The following MAP2 variants were observed in gnomAD, a reference collection of about 807,000 sequenced individuals.
MAP2 encodes microtubule-associated protein 2.
Under a neutral mutation model 137.6 loss-of-function variants are expected in MAP2, and 14 were observed. The observed-to-expected ratio is 0.10, with a 90% CI of 0.07 to 0.16. The LOEUF is 0.16. Among genes scored for constraint, MAP2 ranks in the 10% least tolerant of loss-of-function variants. The probability of loss-of-function intolerance (pLI) is 1.00; values close to 1 mark genes in which losing one functional copy is unlikely to be tolerated. For synonymous variants in MAP2, 786 were observed against 782.3 expected, an observed-to-expected ratio of 1.00 and a Z score of -0.08; for missense variants, 2,088 against 2,191.5, an observed-to-expected ratio of 0.95 and a Z score of 0.94.
chr2:209,610,049 A>G (rs2086269161), intron 3 of MAP2, among the ~76,000 whole-genome samples: 1 of 152,216 alleles, frequency 6.6e-6, no homozygotes, highest in African/African-American at 2.4e-5. Context: ...TTAAATAATC[A>G]TATAAATAAA....
At chr2:209,514,668 T>A (rs1438958834) in intron 2 of MAP2, among the ~76,000 whole-genome samples, 2 of 152,126 alleles carry the variant, frequency 1.3e-5, no homozygotes, top group Admixed American at 6.6e-5. Context: ...TTAATGAATT[T>A]CTTTATTATG....
chr2:209,702,258 C>G (rs2061975308), intron 11 of MAP2, among the ~76,000 whole-genome samples: 1 of 152,018 alleles, frequency 6.6e-6, no homozygotes, highest in South Asian at 2.1e-4. Flanking sequence ...TGACACAAAA[C>G]AACCTTTTTT....
At chr2:209,462,360 A>G (rs754333585) in intron 1 of MAP2, among the ~76,000 whole-genome samples, 166 of 152,350 alleles carry the variant, frequency 1.1e-3, no homozygotes, top group Non-Finnish European at 1.9e-3. Context: ...AGCCACGTGT[A>G]AAAAGGACAG....
At chr2:209,647,109 G>A (rs2094468557) in intron 4 of MAP2, among the ~76,000 whole-genome samples, 1 of 152,102 alleles carries the variant, frequency 6.6e-6, no homozygotes, top group Non-Finnish European at 1.5e-5. Context: ...GAGTAAGACA[G>A]AGTGAGGAGC....
At chr2:209,585,766 C>T (rs1234191527) in intron 3 of MAP2, among the ~76,000 whole-genome samples, 1 of 152,150 alleles carries the variant, frequency 6.6e-6, no homozygotes, top group Non-Finnish European at 1.5e-5. Flanking sequence ...TAAATAATTT[C>T]CAATGGATAG....
At chr2:209,723,719 T>C in intron 13 of MAP2, 1 of 1,506,466 alleles carries the variant, frequency 6.6e-7, no homozygotes, top group Admixed American at 1.7e-5. Context: ...AAAGCTGTCC[T>C]GATTGCGTGG....
At chr2:209,567,647 C>G (rs977536305) in intron 2 of MAP2, among the ~76,000 whole-genome samples, 1 of 151,024 alleles carries the variant, frequency 6.6e-6, no homozygotes, top group Non-Finnish European at 1.5e-5. Context: ...CTGACTTCTT[C>G]AATTATATGT....
chr2:209,603,867 G>A (rs62214980), intron 3 of MAP2, among the ~76,000 whole-genome samples: 1 of 152,194 alleles, frequency 6.6e-6, no homozygotes, highest in African/African-American at 2.4e-5. Context: ...TGCTCTGGTA[G>A]GGGGAAAAAA....
intron 1 of MAP2, among the ~76,000 whole-genome samples, chr2:209,500,368 A>G (rs1414051457): frequency 1.3e-5 from 2 of 151,658 alleles, no homozygotes; most frequent in Non-Finnish European, 1.5e-5. Flanking sequence ...TTTTCCAAAC[A>G]CCCCCTGGGC....
intron 3 of MAP2, among the ~76,000 whole-genome samples, chr2:209,591,414 C>T (rs2079205723): frequency 6.6e-6 from 1 of 152,136 alleles, no homozygotes; most frequent in African/African-American, 2.4e-5. Flanking sequence ...TGTTCGTTTT[C>T]TATCTCCTTC....
chr2:209,445,675 A>G (rs1037674781), intron 1 of MAP2, among the ~76,000 whole-genome samples: 1 of 151,656 alleles, frequency 6.6e-6, no homozygotes, highest in African/African-American at 2.4e-5. Context: ...CAAGAAAATC[A>G]TGTTCTACCA....
chr2:209,722,099 C>T (rs977562725), intron 13 of MAP2: 1 of 152,140 alleles, frequency 6.6e-6, no homozygotes, highest in Non-Finnish European at 1.5e-5. Flanking sequence ...AAACTATCTC[C>T]GTCTTATGTG....
intron 1 of MAP2, among the ~76,000 whole-genome samples, chr2:209,445,106 G>T (rs1289332980): frequency 6.6e-6 from 1 of 151,504 alleles, no homozygotes; most frequent in East Asian, 1.9e-4. Context: ...TTTTGATTTA[G>T]AATCAATTGT....
At chr2:209,541,570 G>A (rs928385183) in intron 2 of MAP2, among the ~76,000 whole-genome samples, 3 of 151,776 alleles carry the variant, frequency 2.0e-5, no homozygotes, top group Admixed American at 2.0e-4. Flanking sequence ...CGTCAAATTT[G>A]GAGTCAATCC....
intron 2 of MAP2, among the ~76,000 whole-genome samples, chr2:209,526,905 T>A (rs1332930734): frequency 6.6e-6 from 1 of 151,954 alleles, no homozygotes; most frequent in Non-Finnish European, 1.5e-5. Context: ...TGGAATATAG[T>A]GGGGAATCTG....
chr2:209,643,133 A>G (rs1041497426), intron 4 of MAP2, among the ~76,000 whole-genome samples: 1 of 152,176 alleles, frequency 6.6e-6, no homozygotes, highest in African/African-American at 2.4e-5. Context: ...CACATAGAAA[A>G]CATTCTAGAA....
chr2:209,582,258 T>C (rs1040389064), intron 3 of MAP2, among the ~76,000 whole-genome samples: 1 of 152,098 alleles, frequency 6.6e-6, no homozygotes, highest in Non-Finnish European at 1.5e-5. Flanking sequence ...TTACCCAAAA[T>C]ATTCATTACA....
At chr2:209,448,997 G>A (rs754475893) in intron 1 of MAP2, among the ~76,000 whole-genome samples, 5 of 152,094 alleles carry the variant, frequency 3.3e-5, no homozygotes, top group Non-Finnish European at 7.4e-5. Context: ...TGTAACTAAA[G>A]CCTGCTTTTA....
intron 1 of MAP2, among the ~76,000 whole-genome samples, chr2:209,486,272 G>T (rs2058363568): frequency 2.6e-5 from 4 of 151,766 alleles, no homozygotes; most frequent in Admixed American, 2.6e-4. Flanking sequence ...TCTGTCACCA[G>T]GCTGGAGTGC....
Sources: allele counts gnomAD v4.1 joint callset (sites outside exome capture counted in the v4.1 genomes callset), GRCh38; gene constraint gnomAD v4.1.1; transcripts MANE v1.5; gene names NCBI Gene and HGNC (gene_info 2026-07-23, HGNC 2026-07-21).